Variants in RELN observed in about 807,000 individuals in gnomAD.
RELN encodes the protein reelin.
Under a neutral mutation model 427.6 loss-of-function variants are expected in RELN, and 108 were observed. That is an observed-to-expected ratio of 0.25 (90% CI 0.22 to 0.30). The LOEUF (loss-of-function observed/expected upper bound fraction) is 0.30, where lower values mean the gene tolerates loss of function less well. Ranked by LOEUF, RELN falls within the 10% of genes least tolerant of loss-of-function variation. The pLI is 1.00. For missense variants in RELN, 3,715 were observed against 4,302.8 expected, an observed-to-expected ratio of 0.86 and a Z score of 3.82; for synonymous variants, 1,524 against 1,513.4, an observed-to-expected ratio of 1.01 and a Z score of -0.16.
chr7:103,729,870 C>G (rs1187218727), intron 6 of RELN, among the ~76,000 whole-genome samples: 1 of 151,982 alleles, frequency 6.6e-6, no homozygotes, highest in South Asian at 2.1e-4. Flanking sequence ...AAGAATTTCT[C>G]ATGGATTTCC....
At chr7:103,719,347 G>A (rs1207281061) in intron 8 of RELN, among the ~76,000 whole-genome samples, 2 of 151,998 alleles carry the variant, frequency 1.3e-5, no homozygotes, top group East Asian at 3.9e-4. Context: ...TTGTTGGCAG[G>A]GATTCTCCTT....
chr7:103,802,032 T>G (rs1488587895), intron 3 of RELN, among the ~76,000 whole-genome samples: 2 of 152,166 alleles, frequency 1.3e-5, no homozygotes, highest in Non-Finnish European at 2.9e-5. Context: ...CATAGTTAAG[T>G]GTCAGTATAT....
chr7:103,724,772 A>G (rs1790162754), intron 7 of RELN, among the ~76,000 whole-genome samples: 1 of 152,006 alleles, frequency 6.6e-6, no homozygotes, highest in African/African-American at 2.4e-5. Flanking sequence ...TTATTTTATT[A>G]GTAAAATATC....
chr7:103,756,029 T>A (rs951766023), intron 4 of RELN, among the ~76,000 whole-genome samples: 2 of 152,158 alleles, frequency 1.3e-5, no homozygotes, highest in Non-Finnish European at 2.9e-5. Flanking sequence ...ATTAGAAATA[T>A]TTACTATGCA....
intron 8 of RELN, among the ~76,000 whole-genome samples, chr7:103,709,863 A>T (rs1789750140): frequency 6.6e-6 from 1 of 152,240 alleles, no homozygotes; most frequent in Admixed American, 6.5e-5. Context: ...CAGTAGCTAT[A>T]GCAGTATATA....
chr7:103,904,426 G>A (rs769349645), intron 2 of RELN, among the ~76,000 whole-genome samples: 1 of 152,068 alleles, frequency 6.6e-6, no homozygotes, highest in East Asian at 1.9e-4. Context: ...TTAGGGGATC[G>A]CCACACTGTC....
At chr7:103,632,128 G>A (rs533919970) in intron 19 of RELN, among the ~76,000 whole-genome samples, 1 of 152,236 alleles carries the variant, frequency 6.6e-6, no homozygotes, top group East Asian at 1.9e-4. Context: ...ATATTTTCAC[G>A]GCAGAGGTGT....
chr7:103,879,313 A>C (rs1794553991), intron 2 of RELN, among the ~76,000 whole-genome samples: 1 of 152,228 alleles, frequency 6.6e-6, no homozygotes, highest in East Asian at 1.9e-4. Context: ...AAGTGTTAGC[A>C]ACCTTAATCA....
intron 20 of RELN, among the ~76,000 whole-genome samples, chr7:103,616,388 T>C (rs1425428959): frequency 6.6e-6 from 1 of 152,206 alleles, no homozygotes; most frequent in Non-Finnish European, 1.5e-5. Flanking sequence ...AAACGTTTAC[T>C]AGATTAGGCG....
intron 2 of RELN, among the ~76,000 whole-genome samples, chr7:103,904,545 A>G (rs905257275): frequency 2.0e-5 from 3 of 152,178 alleles, no homozygotes; most frequent in Non-Finnish European, 2.9e-5. Context: ...ATATCTTATC[A>G]GGACTAAATT....
At chr7:103,837,594 A>T (rs1276829213) in intron 2 of RELN, among the ~76,000 whole-genome samples, 2 of 152,194 alleles carry the variant, frequency 1.3e-5, no homozygotes, top group Non-Finnish European at 2.9e-5. Flanking sequence ...CATTGAGAGA[A>T]ATCACTTACT....
At chr7:103,930,387 G>A (rs1795834927) in intron 1 of RELN, among the ~76,000 whole-genome samples, 1 of 150,058 alleles carries the variant, frequency 6.7e-6, no homozygotes. Flanking sequence ...GAGTTACCAG[G>A]GATTAGGACT....
chr7:103,613,128 G>A (rs1032538028), intron 20 of RELN, among the ~76,000 whole-genome samples: 5 of 152,194 alleles, frequency 3.3e-5, no homozygotes, highest in African/African-American at 1.2e-4. Flanking sequence ...CAGTAACTCT[G>A]TGTAGTAGGA....
At chr7:103,521,114 C>A (rs1311686310) in intron 48 of RELN, among the ~76,000 whole-genome samples, 2 of 150,214 alleles carry the variant, frequency 1.3e-5, no homozygotes, top group Non-Finnish European at 3.0e-5. Context: ...GTAGCTGGGA[C>A]TACAGGCGCC....
intron 2 of RELN, among the ~76,000 whole-genome samples, chr7:103,870,220 T>C (rs543419013): frequency 1.3e-5 from 2 of 152,280 alleles, no homozygotes; most frequent in East Asian, 3.9e-4. Context: ...CTTTGTTAAA[T>C]TCAGCATCTG....
intron 3 of RELN, among the ~76,000 whole-genome samples, chr7:103,823,980 T>C (rs1793070015): frequency 6.6e-6 from 1 of 152,264 alleles, no homozygotes; most frequent in South Asian, 2.1e-4. Flanking sequence ...TATTGTTCCA[T>C]TGTCTTCTGG....
At chr7:103,773,100 TTTTCTTTCTTTC>T (rs550940718) in intron 4 of RELN, among the ~76,000 whole-genome samples, 10,631 of 128,496 alleles carry the variant, frequency 0.083, 496 homozygotes, top group Non-Finnish European at 0.092. Flanking sequence ...GGTTCTCCTC[TTTTCTTTCTTTC>T]TTTCTTTCTT....
At chr7:103,810,584 G>T (rs1056640871) in intron 3 of RELN, among the ~76,000 whole-genome samples, 1 of 152,098 alleles carries the variant, frequency 6.6e-6, no homozygotes. Context: ...GACAAGGCGC[G>T]CCAACCTGGC....
chr7:103,761,538 A>G (rs1627052), intron 4 of RELN, among the ~76,000 whole-genome samples: 78,010 of 151,886 alleles, frequency 0.51, 22,627 homozygotes, highest in African/African-American at 0.8. Flanking sequence ...CTGCAATCTC[A>G]ACCTCCTAGG....
Sources: gnomAD v4.1 joint callset for allele counts (sites outside exome capture counted in the v4.1 genomes callset) on GRCh38, gnomAD v4.1.1 for gene constraint, MANE v1.5 for transcripts, NCBI Gene and HGNC (gene_info 2026-07-23, HGNC 2026-07-21) for gene names.